NTF3: variants seen among roughly 807,000 people sequenced by gnomAD.
The protein encoded by NTF3 is neurotrophin-3.
NTF3 carries 8 observed loss-of-function variants against 26.3 expected under a neutral mutation model. The observed-to-expected ratio is 0.30, with a 90% CI of 0.18 to 0.55. The LOEUF (loss-of-function observed/expected upper bound fraction) is 0.55. Among genes scored for constraint, NTF3 ranks in the 20% least tolerant of loss-of-function variants. NTF3 has a pLI of 0.93. For missense variants in NTF3, 276 were observed against 352.9 expected, an observed-to-expected ratio of 0.78 and a Z score of 1.75; for synonymous variants, 154 against 145.5, an observed-to-expected ratio of 1.06 and a Z score of -0.42.
chr12:5,485,092 G>A (rs1289793194), intron 1 of NTF3, among the ~76,000 whole-genome samples: 1 of 152,132 alleles, frequency 6.6e-6, no homozygotes, highest in Non-Finnish European at 1.5e-5. Flanking sequence ...TGAGAAATGA[G>A]GAAAGGAATA....
chr12:5,436,685 T>C (rs1261301468), intron 1 of NTF3, among the ~76,000 whole-genome samples: 4 of 152,230 alleles, frequency 2.6e-5, no homozygotes, highest in African/African-American at 9.6e-5. Flanking sequence ...CCTTTCTCTT[T>C]ACAATGCAAC....
At chr12:5,490,634 C>T (rs964965392) in intron 1 of NTF3, among the ~76,000 whole-genome samples, 3 of 152,232 alleles carry the variant, frequency 2.0e-5, no homozygotes, top group African/African-American at 7.2e-5. Context: ...CAAAAAGTGA[C>T]CAGAGATCAG....
At chr12:5,441,340 T>C (rs1426141422) in intron 1 of NTF3, among the ~76,000 whole-genome samples, 2 of 152,190 alleles carry the variant, frequency 1.3e-5, no homozygotes, top group African/African-American at 4.8e-5. Context: ...GGCCTAAATA[T>C]AGAGGGAAAT....
In NTF3 at chr12:5,432,421, T is replaced by G. The variant is rs553227724; in HGVS notation, c.18+79T>G. ...CGTGGGGAGGGATTTTCCAGTGGAC[T>G]GGTGCGGGGGGCCCCAGATCCGCAT... On this transcript the variant is annotated intron_variant, in intron 1 of 1. Coordinates refer to ENST00000423158, the MANE Select transcript of NTF3 (RefSeq NM_001102654.2). 117 of 1,523,838 alleles carry G rather than the reference T, an allele frequency of 7.7e-5. No homozygotes were observed. In the African/African-American group the frequency reaches 1.4e-3, roughly 18 times the overall value. The allele number at this position is 1,523,838 out of a possible 1,614,324, so 94.4% of individuals were successfully genotyped here. A position where few individuals can be genotyped will look rare whatever the true frequency, so the allele number is the denominator to read the frequency against.
At chr12:5,453,943 C>T (rs892646247) in intron 1 of NTF3, among the ~76,000 whole-genome samples, 10 of 152,212 alleles carry the variant, frequency 6.6e-5, no homozygotes, top group Admixed American at 5.2e-4. Flanking sequence ...TTAACAAAAA[C>T]ACAACCTTCC....
chr12:5,482,890 T>G (rs907316550), intron 1 of NTF3, among the ~76,000 whole-genome samples: 2 of 151,142 alleles, frequency 1.3e-5, no homozygotes, highest in Non-Finnish European at 2.9e-5. Context: ...CTGTGTGTGT[T>G]TTTTTTTCTG....
rs551442984 is a variant in NTF3 at position 5,433,721 on chromosome 12, T to C, written c.18+1379T>C. ...GAAAAGATCGTCTGGCCTCGGCCTC[T>C]GGCGGCGGGCGGCAGGTTCTGAGTC... On this transcript the variant is annotated intron_variant, in intron 1 of 1. Coordinates refer to ENST00000423158, the MANE Select transcript of NTF3 (RefSeq NM_001102654.2). This position sits in a 1 kb window ranked among gnomAD's most constrained non-coding sequence, Gnocchi z 4.6. Among the ~76,000 whole-genome samples the C allele has an allele frequency of 2.2e-4, 33 of 152,010 alleles. No individual in the cohort carries two copies. The highest frequency in any genetic ancestry group is 4.1e-4 in the Non-Finnish European group (28 of 67,998).
At position 5,494,455 on chromosome 12, in the gene NTF3, G is replaced by A; in HGVS notation, c.280G>A (p.Ala94Thr). 1.9e-6 allele frequency: 3 copies of A among 1,613,612 alleles called. No homozygotes were observed. The highest frequency in any genetic ancestry group is 2.5e-6 in the Non-Finnish European group (3 of 1,180,012). ...GGAGCGGGGAGGGCCCGCCAAGTCA[G>A]CATTCCAGCCGGTGATTGCAATGGA... is the stretch of plus-strand genomic sequence containing the variant. ...EPERGGPAKSAFQPVIAMDTE... is the reference protein window; with the variant it reads ...EPERGGPAKSTFQPVIAMDTE... Residue 94 changes from alanine to threonine, a missense_variant, in exon 2 of 2, where the codon GCA becomes ACA. By Grantham distance (58) the Ala-to-Thr change is moderately conservative (BLOSUM62 0). This residue lies in a region of NTF3 where 221 missense variants were observed against 258.2 expected (regional missense o/e 0.86). Coordinates refer to ENST00000423158, the MANE Select transcript of NTF3 (RefSeq NM_001102654.2). The surrounding 1 kb of genome is among the most constrained non-coding windows in gnomAD (Gnocchi z 8.3).
chr12:5,488,728 G>C (rs78537515), intron 1 of NTF3, among the ~76,000 whole-genome samples: 3,035 of 152,102 alleles, frequency 0.02, 106 homozygotes, highest in African/African-American at 0.069. Context: ...AAGACATTAG[G>C]GTTATCTGGC....
At chr12:5,450,835 A>T (rs1013294788) in intron 1 of NTF3, among the ~76,000 whole-genome samples, 1 of 152,208 alleles carries the variant, frequency 6.6e-6, no homozygotes, top group South Asian at 2.1e-4. Context: ...TGTTAATTCT[A>T]TGAGGACAGG....
At chr12:5,449,031 A>C (rs1481154609) in intron 1 of NTF3, among the ~76,000 whole-genome samples, 2 of 152,210 alleles carry the variant, frequency 1.3e-5, no homozygotes, top group Admixed American at 1.3e-4. Flanking sequence ...TAGGGAAATA[A>C]GACAACCCCT....
At chr12:5,452,928 A>G (rs1940394180) in intron 1 of NTF3, among the ~76,000 whole-genome samples, 1 of 152,190 alleles carries the variant, frequency 6.6e-6, no homozygotes, top group South Asian at 2.1e-4. Context: ...CATGTAGTGC[A>G]GTGGGAAAGA....
intron 1 of NTF3, among the ~76,000 whole-genome samples, chr12:5,476,075 A>G (rs1940720674): frequency 6.6e-6 from 1 of 152,106 alleles, no homozygotes; most frequent in Non-Finnish European, 1.5e-5. Flanking sequence ...GAGAGCGAGT[A>G]TGATAAGGTC....
intron 1 of NTF3, among the ~76,000 whole-genome samples, chr12:5,449,669 C>T (rs927528787): frequency 3.9e-5 from 6 of 152,168 alleles, no homozygotes; most frequent in Admixed American, 1.3e-4. Context: ...GTAAGAAAAG[C>T]GCTAACAAGC....
rs372258221 is a variant in NTF3 at position 5,444,327 on chromosome 12, A to C, written c.18+11985A>C. ...TTGTCCACAGAAAGAGAGCGTGAGC[A>C]GGGGCTGGGGCAGAGATAAAAGGGA... On this transcript the variant is annotated intron_variant, in intron 1 of 1. Coordinates refer to ENST00000423158, the MANE Select transcript of NTF3 (RefSeq NM_001102654.2). Among the ~76,000 whole-genome samples the C allele has an allele frequency of 5.9e-5, 9 of 152,328 alleles. No homozygotes were observed. In the East Asian group the frequency reaches 1.7e-3, roughly 29 times the overall value.
At chr12:5,438,271 G>T (rs1940197626) in intron 1 of NTF3, among the ~76,000 whole-genome samples, 1 of 152,130 alleles carries the variant, frequency 6.6e-6, no homozygotes, top group Non-Finnish European at 1.5e-5. Flanking sequence ...CCATAACTCA[G>T]TCTTTTGTTT....
intron 1 of NTF3, among the ~76,000 whole-genome samples, chr12:5,445,544 A>G (rs1157904696): frequency 1.3e-5 from 2 of 152,148 alleles, no homozygotes; most frequent in African/African-American, 4.8e-5. Context: ...AAGGGAGCCA[A>G]AGAGGACCTC....
At chr12:5,455,751 C>T (rs1338357894) in intron 1 of NTF3, among the ~76,000 whole-genome samples, 1 of 152,202 alleles carries the variant, frequency 6.6e-6, no homozygotes, top group Non-Finnish European at 1.5e-5. Flanking sequence ...TCAGGGCACA[C>T]AGCAGCTGAT....
At chr12:5,441,440 C>T (rs1940234768) in intron 1 of NTF3, among the ~76,000 whole-genome samples, 1 of 152,072 alleles carries the variant, frequency 6.6e-6, no homozygotes, top group South Asian at 2.1e-4. Context: ...ATGCTTACCC[C>T]TCCATCATCA....
Sources: gnomAD v4.1 joint callset for allele counts (sites outside exome capture counted in the v4.1 genomes callset) on GRCh38, gnomAD v4.1.1 for gene constraint, gnomAD v4.1.1 regional missense constraint, Gnocchi (gnomAD v3.1) non-coding constraint, MANE v1.5 for transcripts, NCBI Gene and HGNC (gene_info 2026-07-23, HGNC 2026-07-21) for gene names.